The following DPP6 variants were observed in gnomAD, a reference collection of about 807,000 sequenced individuals.
The protein encoded by DPP6 is A-type potassium channel modulatory protein DPP6.
A neutral mutation model predicts 122.6 loss-of-function variants in DPP6; 69 were observed. The observed-to-expected ratio is 0.56, with a 90% confidence interval of 0.46 to 0.69. The LOEUF (loss-of-function observed/expected upper bound fraction) is 0.69. Among genes scored for constraint, DPP6 ranks in the 30% least tolerant of loss-of-function variants. The pLI, the probability that DPP6 is intolerant of heterozygous loss-of-function variation, is 0.00. For synonymous variants in DPP6, 418 were observed against 433.1 expected, an observed-to-expected ratio of 0.97 and a Z score of 0.43; for missense variants, 928 against 1,116.9, an observed-to-expected ratio of 0.83 and a Z score of 2.41.
At chr7:153,917,702 A>G (rs1800388215) in intron 1 of DPP6, among the ~76,000 whole-genome samples, 3 of 152,190 alleles carry the variant, frequency 2.0e-5, no homozygotes, top group Admixed American at 2.0e-4. Flanking sequence ...CGTGGATTAT[A>G]TGTGGTTATT....
intron 3 of DPP6, among the ~76,000 whole-genome samples, chr7:154,521,577 T>C (rs556394238): frequency 1.3e-5 from 2 of 152,292 alleles, no homozygotes; most frequent in Admixed American, 1.3e-4. Flanking sequence ...CAAAGGCAAA[T>C]TGGGCAGTCT....
At chr7:154,613,350 T>A (rs12538393) in intron 5 of DPP6, among the ~76,000 whole-genome samples, 3 of 151,876 alleles carry the variant, frequency 2.0e-5, no homozygotes, top group Admixed American at 1.3e-4. Flanking sequence ...GGCTGGGTGC[T>A]GTGGCTCACG....
the DPP6 span, among the ~76,000 whole-genome samples, chr7:153,815,031 C>T: frequency 6.6e-6 from 1 of 152,180 alleles, no homozygotes; most frequent in African/African-American, 2.4e-5. Context: ...TGGAAGCATT[C>T]CCTTTGAAAA....
intron 1 of DPP6, among the ~76,000 whole-genome samples, chr7:154,255,566 G>A (rs904872572): frequency 2.0e-5 from 3 of 151,620 alleles, no homozygotes; most frequent in African/African-American, 7.3e-5. Context: ...AGGCAGACGT[G>A]GGGGAGGCCC....
At chr7:154,249,098 A>T (rs1039660847) in intron 1 of DPP6, among the ~76,000 whole-genome samples, 1 of 152,232 alleles carries the variant, frequency 6.6e-6, no homozygotes, top group Non-Finnish European at 1.5e-5. Context: ...TTGAAAACTC[A>T]CGGTGGGGCT....
intron 3 of DPP6, among the ~76,000 whole-genome samples, chr7:154,528,365 A>G (rs1053092402): frequency 1.8e-4 from 27 of 152,204 alleles, no homozygotes; most frequent in Admixed American, 8.5e-4. Context: ...GAATCTCATA[A>G]AGAGGCACAA....
intron 6 of DPP6, among the ~76,000 whole-genome samples, chr7:154,645,058 T>C (rs78618709): frequency 1.4e-5 from 2 of 147,408 alleles, no homozygotes; most frequent in Non-Finnish European, 3.0e-5. Context: ...TGTTTATTTG[T>C]TGGTTTTTTT....
chr7:154,076,760 A>C (rs1803582117), intron 1 of DPP6, among the ~76,000 whole-genome samples: 1 of 152,122 alleles, frequency 6.6e-6, no homozygotes. Context: ...TGAGGGCATG[A>C]AGTGTCCCTG....
At chr7:154,461,201 A>AT (rs1011902620) in intron 2 of DPP6, among the ~76,000 whole-genome samples, 8 of 152,104 alleles carry the variant, frequency 5.3e-5, no homozygotes, top group African/African-American at 1.7e-4. Flanking sequence ...AATCTCATTC[A>AT]TTTTTTTGTG....
Position 154,221,671 on chromosome 7 carries a change from T to C in DPP6, c.243+168608T>C, listed in dbSNP as rs78448991. On this transcript the variant is annotated intron_variant, in intron 1 of 25. Coordinates refer to ENST00000377770, the MANE Select transcript of DPP6 (RefSeq NM_130797.4). ...GGTGGCTTAACTATTGAAAATTTTA[T>C]TAAAATGGTTATAATAATGACTTCA... 2.9e-3 allele frequency among the ~76,000 whole-genome samples: 436 copies of C among 152,344 alleles called. 3 individuals are homozygous for C. Among genetic ancestry groups the C allele is most frequent in the African/African-American group, 0.01 (417 of 41,578 alleles).
chr7:154,689,048 T>G (rs112585120), intron 7 of DPP6, among the ~76,000 whole-genome samples: 141 of 152,298 alleles, frequency 9.3e-4, no homozygotes, highest in Middle Eastern at 6.8e-3. Flanking sequence ...AATGACACAT[T>G]TATTTCTTCC....
chr7:154,707,349 T>G (rs1336014013), intron 7 of DPP6, among the ~76,000 whole-genome samples: 1 of 152,056 alleles, frequency 6.6e-6, no homozygotes, highest in Non-Finnish European at 1.5e-5. Flanking sequence ...GATAAGAAAA[T>G]CAAAATGCAG....
rs1333686513 is a variant in DPP6 at position 154,483,745 on chromosome 7, A to G, written c.457+8708A>G. ...AGTCTCGCTCTGTCGCCCAGGCTGG[A>G]GTGCAGTGGCACAATCTTGGCTCAC... On this transcript the variant is annotated intron_variant, in intron 3 of 25. Transcript: ENST00000377770. This position sits in a 1 kb window ranked among gnomAD's most constrained non-coding sequence, Gnocchi z 8.1. 1.3e-5 allele frequency among the ~76,000 whole-genome samples: 2 copies of G among 152,214 alleles called. No individual in the cohort carries two copies. The highest frequency in any genetic ancestry group is 2.9e-5 in the Non-Finnish European group (2 of 68,036).
At chr7:154,202,670 C>A (rs958835311) in intron 1 of DPP6, among the ~76,000 whole-genome samples, 2 of 152,294 alleles carry the variant, frequency 1.3e-5, no homozygotes, top group East Asian at 1.9e-4. Context: ...CCCGTCATCC[C>A]CTCCTACTAC....
chr7:154,695,095 G>A (rs763387204), intron 7 of DPP6, among the ~76,000 whole-genome samples: 14 of 152,206 alleles, frequency 9.2e-5, no homozygotes, highest in African/African-American at 1.7e-4. Flanking sequence ...TTAGGAAGAC[G>A]GGGGTGAGAT....
At chr7:154,452,071 A>G (rs1294677177) in intron 2 of DPP6, among the ~76,000 whole-genome samples, 1 of 152,252 alleles carries the variant, frequency 6.6e-6, no homozygotes, top group Non-Finnish European at 1.5e-5. Context: ...ACTAATGTAC[A>G]GAGCAGTGTC....
At chr7:153,906,445 G>A (rs1399317017) in intron 1 of DPP6, among the ~76,000 whole-genome samples, 2 of 152,102 alleles carry the variant, frequency 1.3e-5, no homozygotes, top group Non-Finnish European at 2.9e-5. Flanking sequence ...GTGAGGATGT[G>A]TGGCTTTTAA....
At chr7:154,800,890 C>A (rs897038327) in intron 12 of DPP6, among the ~76,000 whole-genome samples, 1 of 152,154 alleles carries the variant, frequency 6.6e-6, no homozygotes, top group African/African-American at 2.4e-5. Context: ...TGCTTTTAGG[C>A]AAAATCTGGT....
At chr7:154,710,219 G>T (rs545032453) in intron 7 of DPP6, among the ~76,000 whole-genome samples, 2 of 152,324 alleles carry the variant, frequency 1.3e-5, no homozygotes, top group African/African-American at 4.8e-5. Flanking sequence ...TGGCTTCAGG[G>T]CCCCACCAGG....
Sources: gnomAD v4.1 joint callset for allele counts (sites outside exome capture counted in the v4.1 genomes callset) on GRCh38, gnomAD v4.1.1 for gene constraint, Gnocchi (gnomAD v3.1) non-coding constraint, MANE v1.5 for transcripts, NCBI Gene and HGNC (gene_info 2026-07-23, HGNC 2026-07-21) for gene names.